Variants in LDLRAD3 observed in about 807,000 individuals in gnomAD.
LDLRAD3 encodes the protein low density lipoprotein receptor class A domain containing 3.
Under a neutral mutation model 29.4 loss-of-function variants are expected in LDLRAD3, and 20 were observed. That is an observed-to-expected ratio of 0.68 (90% confidence interval 0.48 to 0.99). The LOEUF is 0.99. Ranked by LOEUF, LDLRAD3 falls within the 50% of genes least tolerant of loss-of-function variation. The pLI, the probability that LDLRAD3 is intolerant of heterozygous loss-of-function variation, is 0.00. For missense variants in LDLRAD3, 420 were observed against 454.3 expected (o/e 0.92, Z 0.69); for synonymous variants, 157 against 192.7 (o/e 0.81, Z 1.53).
Position 36,229,624 on chromosome 11 carries a change from C to T in LDLRAD3, c.*227C>T. 1 of 497,808 alleles carries T rather than the reference C, an allele frequency of 2.0e-6. No individual in the cohort carries two copies. Among genetic ancestry groups the T allele is most frequent in the South Asian group, 4.0e-5 (1 of 24,728 alleles). 30.8% of individuals were successfully genotyped at this position (497,808 alleles called of 1,614,324 possible). ...GCGTCTTTTCTGTCAGGTCACTCTTCCCTTGGGACCCGAGATCACACCCTC... is the reference window on the plus strand; with the variant it reads ...GCGTCTTTTCTGTCAGGTCACTCTTTCCTTGGGACCCGAGATCACACCCTC... On this transcript the variant is annotated 3_prime_UTR_variant, in exon 6 of 6. Coordinates refer to ENST00000315571, the MANE Select transcript of LDLRAD3 (RefSeq NM_174902.4).
intron 1 of LDLRAD3, among the ~76,000 whole-genome samples, chr11:35,965,858 A>C (rs1197860800): frequency 6.6e-6 from 1 of 152,182 alleles, no homozygotes; most frequent in Non-Finnish European, 1.5e-5. Flanking sequence ...GCCATTAATC[A>C]TTAACAGGTT....
At chr11:36,060,577 T>G (rs1852684279) in intron 2 of LDLRAD3, among the ~76,000 whole-genome samples, 1 of 152,152 alleles carries the variant, frequency 6.6e-6, no homozygotes, top group Non-Finnish European at 1.5e-5. Context: ...TGGGATTCAG[T>G]CTGATCTGGG....
intron 4 of LDLRAD3, among the ~76,000 whole-genome samples, chr11:36,199,642 C>T (rs1855093233): frequency 6.6e-6 from 1 of 152,176 alleles, no homozygotes; most frequent in African/African-American, 2.4e-5. Flanking sequence ...GGATTGACAG[C>T]CGCTGCTTAG....
At chr11:36,179,191 A>G (rs1854720888) in intron 4 of LDLRAD3, among the ~76,000 whole-genome samples, 1 of 152,196 alleles carries the variant, frequency 6.6e-6, no homozygotes, top group Non-Finnish European at 1.5e-5. Context: ...GAGCCCAGAT[A>G]GGCCAGGTAT....
intron 4 of LDLRAD3, among the ~76,000 whole-genome samples, chr11:36,114,282 T>C (rs4755434): frequency 0.94 from 142,506 of 152,208 alleles, 67,242 homozygotes; most frequent in East Asian, 1. Context: ...CTCACTCAAG[T>C]GAAATGGGTC....
At chr11:36,026,361 CTGAA>C (rs1486078634) in intron 1 of LDLRAD3, among the ~76,000 whole-genome samples, 8 of 152,198 alleles carry the variant, frequency 5.3e-5, no homozygotes, top group Non-Finnish European at 1.2e-4. Flanking sequence ...TAGTGTCTCA[CTGAA>C]TGTTCTCTTG....
Position 35,944,747 on chromosome 11 carries a change from C to T in LDLRAD3, c.46+603C>T, listed in dbSNP as rs1438891530. 6.6e-6 allele frequency among the ~76,000 whole-genome samples: 1 copy of T among 152,214 alleles called. No homozygotes were observed. The highest frequency in any genetic ancestry group is 1.5e-5 in the Non-Finnish European group (1 of 68,040). On this transcript the variant is annotated intron_variant, in intron 1 of 5. Coordinates refer to ENST00000315571, the MANE Select transcript of LDLRAD3 (RefSeq NM_174902.4). The surrounding 1 kb of genome is among the most constrained non-coding windows in gnomAD (Gnocchi z 4.9). ...GGGAATTCATTTTTCCCCACTGATC[C>T]TGGGAACCGAAGCTTTATTTAAGAC...
chr11:36,098,204 G>T (rs1460009573), intron 3 of LDLRAD3, 123 bp from the exon 4 acceptor site: 3 of 1,192,692 alleles, frequency 2.5e-6, no homozygotes, highest in Non-Finnish European at 3.6e-6. Context: ...CTTTGAGTCT[G>T]CCAGCTTAGA....
intron 4 of LDLRAD3, among the ~76,000 whole-genome samples, chr11:36,218,413 C>T (rs1175206580): frequency 6.6e-6 from 1 of 152,144 alleles, no homozygotes; most frequent in Non-Finnish European, 1.5e-5. Context: ...ACAAGAATTA[C>T]ACAGCAACAC....
At chr11:36,087,417 C>T (rs578126309) in intron 3 of LDLRAD3, among the ~76,000 whole-genome samples, 3 of 152,224 alleles carry the variant, frequency 2.0e-5, no homozygotes, top group African/African-American at 7.2e-5. Context: ...GGATGCACTT[C>T]AAGCCAATTC....
chr11:36,156,413 A>G (rs1854351844), intron 4 of LDLRAD3, among the ~76,000 whole-genome samples: 1 of 152,214 alleles, frequency 6.6e-6, no homozygotes, highest in South Asian at 2.1e-4. Context: ...CAGAACATGG[A>G]TGGGGCAGTA....
At chr11:36,042,705 T>A (rs1030265750) in intron 2 of LDLRAD3, among the ~76,000 whole-genome samples, 1 of 152,242 alleles carries the variant, frequency 6.6e-6, no homozygotes, top group Non-Finnish European at 1.5e-5. Flanking sequence ...AGGTGGGTCC[T>A]AATCCAATAC....
intron 4 of LDLRAD3, among the ~76,000 whole-genome samples, chr11:36,167,520 C>T (rs1854532794): frequency 6.6e-6 from 1 of 152,022 alleles, no homozygotes; most frequent in African/African-American, 2.4e-5. Flanking sequence ...CACAGGACCA[C>T]GTGAAGACAG....
intron 3 of LDLRAD3, among the ~76,000 whole-genome samples, chr11:36,082,391 C>T (rs1347240030): frequency 1.3e-5 from 2 of 152,228 alleles, no homozygotes; most frequent in East Asian, 1.9e-4. Flanking sequence ...TGCCTCTAGT[C>T]CCAGCTACTC....
intron 4 of LDLRAD3, among the ~76,000 whole-genome samples, chr11:36,206,695 C>T (rs1278016108): frequency 6.6e-6 from 1 of 151,730 alleles, no homozygotes; most frequent in Non-Finnish European, 1.5e-5. Flanking sequence ...ACCTGTACAG[C>T]CCTGTCACTA....
At chr11:35,969,758 C>A (rs1851389167) in intron 1 of LDLRAD3, among the ~76,000 whole-genome samples, 1 of 152,230 alleles carries the variant, frequency 6.6e-6, no homozygotes. Context: ...TGCTTTCAAG[C>A]AGCCCTTGAG....
chr11:36,054,094 GCTCT>G (rs886885507), intron 2 of LDLRAD3, among the ~76,000 whole-genome samples: 3 of 152,104 alleles, frequency 2.0e-5, no homozygotes, highest in Non-Finnish European at 4.4e-5. Flanking sequence ...CTTTCCCTGC[GCTCT>G]CTGTTTAATA....
intron 4 of LDLRAD3, among the ~76,000 whole-genome samples, chr11:36,132,924 C>T (rs1454653488): frequency 6.6e-6 from 1 of 152,230 alleles, no homozygotes; most frequent in Non-Finnish European, 1.5e-5. Flanking sequence ...AAGTGACTTC[C>T]TCTCCCCAGC....
intron 4 of LDLRAD3, among the ~76,000 whole-genome samples, chr11:36,147,402 G>A (rs531704367): frequency 4.6e-4 from 70 of 152,104 alleles, no homozygotes; most frequent in Admixed American, 1.8e-3. Context: ...ACAGGCATGA[G>A]CCACCACACC....
Sources: gnomAD v4.1 joint callset for allele counts (sites outside exome capture counted in the v4.1 genomes callset) on GRCh38, gnomAD v4.1.1 for gene constraint, Gnocchi (gnomAD v3.1) non-coding constraint, MANE v1.5 for transcripts, NCBI Gene and HGNC (gene_info 2026-07-23, HGNC 2026-07-21) for gene names.